Variants in ADGRB3 observed in about 807,000 individuals in gnomAD.
The protein encoded by ADGRB3 is adhesion G protein-coupled receptor B3, also known as brain-specific angiogenesis inhibitor 3.
Under a neutral mutation model 193.4 loss-of-function variants are expected in ADGRB3, and 37 were observed. The observed-to-expected ratio is 0.19, with a 90% CI of 0.15 to 0.25. The LOEUF is 0.25. Ranked by LOEUF, ADGRB3 falls within the 10% of genes least tolerant of loss-of-function variation. The probability of loss-of-function intolerance (pLI) is 1.00; values close to 1 mark genes in which losing one functional copy is unlikely to be tolerated. For synonymous variants in ADGRB3, 690 were observed against 644.2 expected (o/e 1.07, Z -1.08); for missense variants, 1,637 against 1,852.9 (o/e 0.88, Z 2.14).
At chr6:68,830,703 A>G (rs960480724) in intron 3 of ADGRB3, among the ~76,000 whole-genome samples, 5 of 152,116 alleles carry the variant, frequency 3.3e-5, no homozygotes, top group African/African-American at 1.2e-4. Context: ...AGTAATGAAA[A>G]TATGGGCTTT....
intron 3 of ADGRB3, among the ~76,000 whole-genome samples, chr6:68,913,464 A>G (rs1248003101): frequency 6.6e-6 from 1 of 152,226 alleles, no homozygotes; most frequent in Non-Finnish European, 1.5e-5. Flanking sequence ...AAACTCCAAC[A>G]GACCTGCAGC....
intron 17 of ADGRB3, among the ~76,000 whole-genome samples, chr6:69,154,766 C>CTGAT (rs780194294): frequency 7.9e-5 from 12 of 152,206 alleles, no homozygotes; most frequent in Non-Finnish European, 1.6e-4. Context: ...ATAGTAGATG[C>CTGAT]TGATTGTCTA....
rs549046885 is a variant in ADGRB3 at position 68,669,075 on chromosome 6, A to T, written c.757+29643A>T. Among the ~76,000 whole-genome samples, 395 of 152,016 alleles carry T rather than the reference A, an allele frequency of 2.6e-3. 5 individuals are homozygous for T. The highest frequency in any genetic ancestry group is 7.8e-3 in the African/African-American group (322 of 41,498). Reference sequence around the variant, plus strand: ...GTATGTATTTATTTTTATAATTTTTAAAAAAATGTGTGAGCGCATGGTAGG... The same window carrying T: ...GTATGTATTTATTTTTATAATTTTTTAAAAAATGTGTGAGCGCATGGTAGG... On this transcript the variant is annotated intron_variant, in intron 3 of 31. Coordinates refer to ENST00000370598, the MANE Select transcript of ADGRB3 (RefSeq NM_001704.3).
chr6:68,976,151 T>C (rs1050161739), intron 10 of ADGRB3, among the ~76,000 whole-genome samples: 7 of 152,234 alleles, frequency 4.6e-5, no homozygotes, highest in African/African-American at 1.7e-4. Flanking sequence ...TTTCTTTTAC[T>C]GTTCTTACTG....
intron 3 of ADGRB3, among the ~76,000 whole-genome samples, chr6:68,890,014 A>G (rs1450089951): frequency 6.6e-6 from 1 of 152,218 alleles, no homozygotes; most frequent in Admixed American, 6.5e-5. Context: ...GAATTTCAAA[A>G]TATTTCAAAT....
At chr6:68,969,843 A>G (rs1298768627) in intron 8 of ADGRB3, among the ~76,000 whole-genome samples, 1 of 152,354 alleles carries the variant, frequency 6.6e-6, no homozygotes, top group East Asian at 1.9e-4. Flanking sequence ...GGCATTGGCC[A>G]TCTATTCTAC....
chr6:69,218,521 A>G (rs1765821527), intron 17 of ADGRB3, among the ~76,000 whole-genome samples: 1 of 152,178 alleles, frequency 6.6e-6, no homozygotes, highest in Non-Finnish European at 1.5e-5. Flanking sequence ...AGGGATACTA[A>G]TAGGATAAGT....
At chr6:68,827,875 T>C (rs1767874998) in intron 3 of ADGRB3, among the ~76,000 whole-genome samples, 1 of 152,190 alleles carries the variant, frequency 6.6e-6, no homozygotes, top group Admixed American at 6.5e-5. Flanking sequence ...ACAGGGCCTT[T>C]GCACATGCTC....
chr6:68,687,991 CAGAA>C (rs1193555378), intron 3 of ADGRB3, among the ~76,000 whole-genome samples: 1 of 152,058 alleles, frequency 6.6e-6, no homozygotes, highest in African/African-American at 2.4e-5. Flanking sequence ...CAAACACATT[CAGAA>C]AGAGAGAAAT....
chr6:68,929,344 A>G (rs1767272842), intron 3 of ADGRB3, among the ~76,000 whole-genome samples: 1 of 152,174 alleles, frequency 6.6e-6, no homozygotes, highest in African/African-American at 2.4e-5. Flanking sequence ...TTATCTGTAA[A>G]AAATTTCTGA....
At chr6:68,796,184 T>G (rs1461309876) in intron 3 of ADGRB3, among the ~76,000 whole-genome samples, 1 of 152,116 alleles carries the variant, frequency 6.6e-6, no homozygotes, top group Non-Finnish European at 1.5e-5. Context: ...GAAAATAATA[T>G]ATATCTATAA....
At chr6:68,893,492 A>AG (rs1383998730) in intron 3 of ADGRB3, among the ~76,000 whole-genome samples, 2 of 151,750 alleles carry the variant, frequency 1.3e-5, no homozygotes, top group Non-Finnish European at 2.9e-5. Flanking sequence ...CTACTGATAA[A>AG]GAAAAAAAAG....
At chr6:69,063,315 C>T (rs1233741920) in intron 16 of ADGRB3, among the ~76,000 whole-genome samples, 1 of 151,572 alleles carries the variant, frequency 6.6e-6, no homozygotes, top group Non-Finnish European at 1.5e-5. Flanking sequence ...TCAATTTATC[C>T]AAATAATAGT....
At chr6:68,935,318 A>G (rs1468794568) in intron 4 of ADGRB3, among the ~76,000 whole-genome samples, 1 of 152,230 alleles carries the variant, frequency 6.6e-6, no homozygotes, top group Non-Finnish European at 1.5e-5. Flanking sequence ...CTTCTTCCCT[A>G]GAGCACTAGT....
intron 20 of ADGRB3, among the ~76,000 whole-genome samples, chr6:69,276,342 A>G (rs901876576): frequency 3.3e-5 from 5 of 152,216 alleles, no homozygotes; most frequent in African/African-American, 9.6e-5. Context: ...AAAATAAGCA[A>G]TCTTATGAAT....
intron 20 of ADGRB3, among the ~76,000 whole-genome samples, chr6:69,281,057 G>C (rs1767425115): frequency 6.6e-6 from 1 of 152,140 alleles, no homozygotes; most frequent in Non-Finnish European, 1.5e-5. Context: ...ATACTACCTG[G>C]AGAACTAAGC....
intron 3 of ADGRB3, among the ~76,000 whole-genome samples, chr6:68,802,149 C>T (rs768430957): frequency 9.9e-5 from 15 of 151,988 alleles, no homozygotes; most frequent in Middle Eastern, 3.4e-3. Context: ...CAGGCTATTT[C>T]CTTTTCCAAT....
intron 3 of ADGRB3, among the ~76,000 whole-genome samples, chr6:68,699,062 A>G (rs1268586016): frequency 6.6e-6 from 1 of 152,126 alleles, no homozygotes; most frequent in Non-Finnish European, 1.5e-5. Flanking sequence ...AAAATGAATC[A>G]TTTATTTATA....
chr6:69,054,140 A>G (rs576182634), intron 15 of ADGRB3, among the ~76,000 whole-genome samples: 23 of 152,326 alleles, frequency 1.5e-4, no homozygotes, highest in African/African-American at 5.5e-4. Flanking sequence ...AATAAAGGAA[A>G]ATACAGATGA....
Sources: allele counts gnomAD v4.1 joint callset (sites outside exome capture counted in the v4.1 genomes callset), GRCh38; gene constraint gnomAD v4.1.1; transcripts MANE v1.5; gene names NCBI Gene and HGNC (gene_info 2026-07-23, HGNC 2026-07-21).